The following TCP11L2 variants were observed in gnomAD, a reference collection of about 807,000 sequenced individuals.
TCP11L2 encodes the protein T-complex protein 11-like protein 2.
TCP11L2 carries 39 observed loss-of-function variants against 50.7 expected under a neutral mutation model. That is an observed-to-expected ratio of 0.77 (90% CI 0.60 to 1.01). The LOEUF (loss-of-function observed/expected upper bound fraction) is 1.01, where lower values mean the gene tolerates loss of function less well. Among genes scored for constraint, TCP11L2 ranks in the 50% least tolerant of loss-of-function variants. The pLI, the probability that TCP11L2 is intolerant of heterozygous loss-of-function variation, is 0.00. For missense variants in TCP11L2, 612 were observed against 614.7 expected, an observed-to-expected ratio of 1.00 and a Z score of 0.05; for synonymous variants, 192 against 219.3, an observed-to-expected ratio of 0.88 and a Z score of 1.10.
intron 3 of TCP11L2, among the ~76,000 whole-genome samples, chr12:106,315,241 AAAAC>A (rs146890134): frequency 5.7e-4 from 86 of 152,188 alleles, no homozygotes; most frequent in African/African-American, 1.9e-3. Flanking sequence ...TCAAAAAACA[AAAAC>A]AAAAACAAAC....
chr12:106,343,056 C>G (rs1183154324), intron 9 of TCP11L2, among the ~76,000 whole-genome samples: 1 of 152,202 alleles, frequency 6.6e-6, no homozygotes, highest in African/African-American at 2.4e-5. Flanking sequence ...GCCCTAGCAA[C>G]TTAAGTGACT....
intron 6 of TCP11L2, chr12:106,329,205 G>T (rs2035662422): frequency 8.5e-7 from 1 of 1,175,860 alleles, no homozygotes; most frequent in Non-Finnish European, 1.2e-6. Context: ...CTTCTCGAGT[G>T]CAGGGACTGT....
chr12:106,320,570 C>T (rs1431880629), intron 4 of TCP11L2, among the ~76,000 whole-genome samples: 2 of 152,106 alleles, frequency 1.3e-5, no homozygotes, highest in Non-Finnish European at 2.9e-5. Context: ...TAAATGGTCT[C>T]AGTCTGAGTG....
At chr12:106,336,312 G>C in intron 8 of TCP11L2, 99 bp downstream of exon 8, 1 of 1,144,720 alleles carries the variant, frequency 8.7e-7, no homozygotes, top group Non-Finnish European at 1.2e-6. Context: ...GTGAGATTCA[G>C]GACTGTGCTT....
At chr12:106,319,218 T>C (rs1195766901) in intron 4 of TCP11L2, among the ~76,000 whole-genome samples, 1 of 152,182 alleles carries the variant, frequency 6.6e-6, no homozygotes, top group Non-Finnish European at 1.5e-5. Context: ...GCCTAGGGTC[T>C]CTTTTATAAC....
upstream of TCP11L2, among the ~76,000 whole-genome samples, chr12:106,302,354 C>G (rs2034442537): frequency 9.7e-6 from 1 of 103,248 alleles, no homozygotes; most frequent in Non-Finnish European, 1.9e-5. Context: ...CCCCGCTCAG[C>G]CCCCGCTCAG....
intron 3 of TCP11L2, among the ~76,000 whole-genome samples, chr12:106,315,291 T>G (rs993025731): frequency 3.3e-5 from 5 of 152,136 alleles, no homozygotes; most frequent in African/African-American, 1.2e-4. Context: ...ATATTACCCA[T>G]AATCTTTAGA....
Position 106,314,356 on chromosome 12 carries a change from A to G in TCP11L2, c.158-2A>G. 1 of 1,593,236 alleles carries G rather than the reference A, an allele frequency of 6.3e-7. No individual in the cohort carries two copies. Among genetic ancestry groups the G allele is most frequent in the Middle Eastern group, 1.7e-4 (1 of 5,980 alleles). ...ATTAACTGGCTTTTGTTTTTCTTTC[A>G]GCAACAAGCCCTCCAAGGGTTGTAA... On this transcript the variant is annotated splice_acceptor_variant, in intron 2 of 9. Coordinates refer to ENST00000299045, the MANE Select transcript of TCP11L2 (RefSeq NM_152772.3). LOFTEE classifies it high-confidence loss of function.
At chr12:106,328,910 C>T (rs896094224) in intron 6 of TCP11L2, among the ~76,000 whole-genome samples, 2 of 152,122 alleles carry the variant, frequency 1.3e-5, no homozygotes, top group African/African-American at 2.4e-5. Flanking sequence ...CACTCAGATC[C>T]CGGGAAGGAG....
At chr12:106,328,309 G>T (rs887897341) in intron 6 of TCP11L2, among the ~76,000 whole-genome samples, 1 of 152,226 alleles carries the variant, frequency 6.6e-6, no homozygotes, top group South Asian at 2.1e-4. Context: ...ACTTTGGGAG[G>T]CCAAGGCGGG....
intron 3 of TCP11L2, among the ~76,000 whole-genome samples, chr12:106,317,203 A>T (rs41487544): frequency 0.034 from 5,246 of 152,314 alleles, 339 homozygotes; most frequent in African/African-American, 0.12. Flanking sequence ...CAGAGTTAGG[A>T]CACATTGCCT....
chr12:106,327,184 CT>C (rs930876194), intron 6 of TCP11L2, among the ~76,000 whole-genome samples: 4 of 151,512 alleles, frequency 2.6e-5, no homozygotes, highest in South Asian at 2.1e-4. Flanking sequence ...TTCTTTCCTT[CT>C]TTTTTTTCCC....
In TCP11L2 at chr12:106,336,127, G is replaced by C. The variant is rs1339381753; in HGVS notation, c.1056G>C (p.Met352Ile). Residue 352 changes from methionine to isoleucine, a missense_variant, in exon 8 of 10, where the codon ATG (methionine) becomes ATC (isoleucine). Transcript: ENST00000299045. ...IACLSLITNNMVGAITGGLPE... is the reference protein window; with the variant it reads ...IACLSLITNNIVGAITGGLPE... ...GCCTGTCCCTAATTACCAACAACAT[G>C]GTGGGTGCTATTACAGGAGGCCTGC... 6.2e-7 allele frequency: 1 copy of C among 1,613,974 alleles called. No homozygotes were observed. The highest frequency in any genetic ancestry group is 8.5e-7 in the Non-Finnish European group (1 of 1,179,998).
At position 106,336,051 on chromosome 12, in the gene TCP11L2, C is replaced by A. The variant is rs139456300; in HGVS notation, c.980C>A (p.Ala327Glu). Residue 327 changes from alanine (A) to glutamate (E), a missense_variant, in exon 8 of 10, where the codon GCA becomes GAA. Ala to Glu is a moderately radical substitution (Grantham distance 107). Coordinates refer to ENST00000299045, the MANE Select transcript of TCP11L2 (RefSeq NM_152772.3). ...ELPETLMTDG[A>E]RLQELTEKLN... is the part of the protein sequence containing the mutation. The stretch of plus-strand genomic sequence containing the variant: ...TGTTAGACACTTATGACAGATGGAG[C>A]ACGTCTTCAGGAACTAACAGAAAAG... 1 of 1,612,110 alleles carries A rather than the reference C, an allele frequency of 6.2e-7. No individual in the cohort carries two copies. The highest frequency in any genetic ancestry group is 8.5e-7 in the Non-Finnish European group (1 of 1,179,380).
rs1469308055 is a variant in TCP11L2 at position 106,314,576 on chromosome 12, T to TGTGTGTGTGTGTGAGA, written c.293+84_293+85insTGTGTGTGTGTGAGAG. ...GTGTGTGTGTGTGTGTGTGTGTGTG[T>TGTGTGTGTGTGTGAGA]GAGAGAGAGAGAGAGAGAGAGAGAG... On this transcript the variant is annotated intron_variant, in intron 3 of 9. Transcript: ENST00000299045. The TGTGTGTGTGTGTGAGA allele has an allele frequency of 3.9e-5, 11 of 282,748 alleles. No individual in the cohort carries two copies. The African/African-American group carries it at 4.0e-4, about 10-fold the overall frequency. 17.5% of individuals were successfully genotyped at this position (282,748 alleles called of 1,614,324 possible).
chr12:106,346,401 C>A lies in TCP11L2; in HGVS notation c.1431C>A (p.Gly477=). The A allele has an allele frequency of 6.2e-7, 1 of 1,614,176 alleles. No homozygotes were observed. Among genetic ancestry groups the A allele is most frequent in the Non-Finnish European group, 8.5e-7 (1 of 1,180,020 alleles). Residue 477 remains glycine, a synonymous_variant, in exon 10 of 10, where the codon GGC becomes GGA. Transcript: ENST00000299045. Reference sequence around the variant, plus strand: ...TTCAGCAGGAGCTAGAAGCCCTAGGCTCTCAATATGCAAACATTGTGAATC... The same window carrying A: ...TTCAGCAGGAGCTAGAAGCCCTAGGATCTCAATATGCAAACATTGTGAATC... ...AVIQQELEAL[G]SQYANIVNLN... is the part of the protein sequence containing the mutation.
At chr12:106,302,380 C>A (rs1229938780), upstream of TCP11L2, among the ~76,000 whole-genome samples, 4 of 93,308 alleles carry the variant, frequency 4.3e-5, 1 homozygote, top group East Asian at 8.5e-4. Flanking sequence ...GCTCAGCCCC[C>A]GCTCAGCCCC....
intron 1 of TCP11L2, chr12:106,304,292 A>G (rs1262157009): frequency 3.9e-5 from 6 of 152,326 alleles, no homozygotes; most frequent in Non-Finnish European, 5.9e-5. Flanking sequence ...GAAAAGTGCC[A>G]GGAATCCTTC....
intron 5 of TCP11L2, among the ~76,000 whole-genome samples, chr12:106,322,599 GA>G (rs2035378482): frequency 6.6e-6 from 1 of 152,164 alleles, no homozygotes. Context: ...ATCCAAGAGG[GA>G]AGAAGAGTCT....
Sources: gnomAD v4.1 joint callset for allele counts (sites outside exome capture counted in the v4.1 genomes callset) on GRCh38, gnomAD v4.1.1 for gene constraint, MANE v1.5 for transcripts, NCBI Gene and HGNC (gene_info 2026-07-23, HGNC 2026-07-21) for gene names.